Variants in PTPRD observed in about 807,000 individuals in gnomAD.
PTPRD encodes protein tyrosine phosphatase receptor type D, also known as receptor-type tyrosine-protein phosphatase delta.
A neutral mutation model predicts 214.5 loss-of-function variants in PTPRD; 34 were observed. That is an observed-to-expected ratio of 0.16 (90% CI 0.12 to 0.21). The LOEUF (loss-of-function observed/expected upper bound fraction) is 0.21. PTPRD is among the 10% of genes least tolerant of loss of function. The pLI is 1.00. For synonymous variants in PTPRD, 1,128 were observed against 845.7 expected (o/e 1.33, Z -5.79); for missense variants, 2,545 against 2,398.7 (o/e 1.06, Z -1.27).
intron 11 of PTPRD, among the ~76,000 whole-genome samples, chr9:8,770,138 A>G (rs1318523843): frequency 6.6e-6 from 1 of 152,048 alleles, no homozygotes; most frequent in African/African-American, 2.4e-5. Flanking sequence ...AAAATTAGCC[A>G]GGCTTGGTGG....
chr9:10,311,363 T>A (rs1404100492), intron 3 of PTPRD, among the ~76,000 whole-genome samples: 2 of 151,998 alleles, frequency 1.3e-5, no homozygotes, highest in African/African-American at 2.4e-5. Flanking sequence ...AATGTGAAAA[T>A]CTAAACAAAA....
At chr9:9,108,324 C>A (rs2099801483) in intron 10 of PTPRD, among the ~76,000 whole-genome samples, 1 of 152,066 alleles carries the variant, frequency 6.6e-6, no homozygotes, top group Admixed American at 6.6e-5. Context: ...CATTGTAGAA[C>A]CAACAGAAAC....
intron 21 of PTPRD, among the ~76,000 whole-genome samples, chr9:8,515,162 T>C (rs555497266): frequency 1.3e-5 from 2 of 152,356 alleles, no homozygotes; most frequent in Non-Finnish European, 2.9e-5. Context: ...TGGATTTAAA[T>C]TCTGCTTTTG....
At chr9:8,406,188 T>A (rs2092959142) in intron 35 of PTPRD, among the ~76,000 whole-genome samples, 1 of 152,154 alleles carries the variant, frequency 6.6e-6, no homozygotes, top group Non-Finnish European at 1.5e-5. Context: ...CAGGGAAATT[T>A]TTCATCTCCC....
intron 5 of PTPRD, among the ~76,000 whole-genome samples, chr9:9,772,210 T>G (rs756040802): frequency 4.6e-5 from 7 of 151,984 alleles, no homozygotes; most frequent in East Asian, 1.9e-4. Flanking sequence ...ACAGACCACA[T>G]GAAGACACAG....
chr9:9,654,722 G>T (rs1433898292), intron 7 of PTPRD, among the ~76,000 whole-genome samples: 2 of 152,136 alleles, frequency 1.3e-5, no homozygotes, highest in South Asian at 4.1e-4. Flanking sequence ...AGTGTCAAAA[G>T]CAAGACATTG....
intron 7 of PTPRD, among the ~76,000 whole-genome samples, chr9:9,731,133 C>G (rs2098183860): frequency 1.3e-5 from 2 of 152,062 alleles, no homozygotes; most frequent in Admixed American, 1.3e-4. Context: ...AGTGTCAGTT[C>G]TTTACTTTGA....
intron 12 of PTPRD, among the ~76,000 whole-genome samples, chr9:8,663,014 ACT>A (rs1336115481): frequency 2.0e-5 from 3 of 152,064 alleles, no homozygotes; most frequent in Non-Finnish European, 2.9e-5. Context: ...CACTTGGATA[ACT>A]CTAAACTTCT....
intron 5 of PTPRD, among the ~76,000 whole-genome samples, chr9:9,886,804 T>C (rs1266262145): frequency 6.6e-6 from 1 of 152,126 alleles, no homozygotes; most frequent in African/African-American, 2.4e-5. Context: ...TCAGTTGCCT[T>C]ACTGCTGCCA....
intron 11 of PTPRD, among the ~76,000 whole-genome samples, chr9:8,773,914 A>G (rs2154487510): frequency 6.6e-6 from 1 of 152,238 alleles, no homozygotes; most frequent in Non-Finnish European, 1.5e-5. Context: ...CACAAATGTA[A>G]TGTCTGTGAA....
chr9:10,164,037 G>A (rs1333782506), intron 3 of PTPRD, among the ~76,000 whole-genome samples: 1 of 151,412 alleles, frequency 6.6e-6, no homozygotes. Context: ...CACTTGGCCT[G>A]AAGCACAGGA....
chr9:9,420,808 T>C (rs576951214), intron 8 of PTPRD, among the ~76,000 whole-genome samples: 46 of 151,956 alleles, frequency 3.0e-4, no homozygotes, highest in Non-Finnish European at 6.0e-4. Flanking sequence ...GTATATCAAG[T>C]CACCAAATAG....
At chr9:10,050,009 A>G (rs2097498141) in intron 3 of PTPRD, among the ~76,000 whole-genome samples, 2 of 152,144 alleles carry the variant, frequency 1.3e-5, no homozygotes, top group Non-Finnish European at 2.9e-5. Context: ...TTTCATCAGG[A>G]AGAAGGTTCT....
At chr9:9,234,397 C>T (rs531084544) in intron 9 of PTPRD, among the ~76,000 whole-genome samples, 1 of 152,128 alleles carries the variant, frequency 6.6e-6, no homozygotes, top group African/African-American at 2.4e-5. Flanking sequence ...GCTTCCAGGT[C>T]TGTGGACAGG....
At chr9:10,104,120 G>C (rs2098599947) in intron 3 of PTPRD, among the ~76,000 whole-genome samples, 1 of 151,722 alleles carries the variant, frequency 6.6e-6, no homozygotes, top group Admixed American at 6.6e-5. Context: ...AGTAGTCAAA[G>C]TCATAGAGAC....
At chr9:9,673,468 G>T (rs1184478577) in intron 7 of PTPRD, among the ~76,000 whole-genome samples, 1 of 151,706 alleles carries the variant, frequency 6.6e-6, no homozygotes, top group Non-Finnish European at 1.5e-5. Context: ...TCAATGAATG[G>T]TTAGATTAAT....
chr9:9,430,471 T>A (rs888348526), intron 8 of PTPRD, among the ~76,000 whole-genome samples: 1 of 152,044 alleles, frequency 6.6e-6, no homozygotes, highest in African/African-American at 2.4e-5. Context: ...AAAATGGCCA[T>A]ACTGCCCAAA....
chr9:9,528,937 TC>T (rs562074582), intron 8 of PTPRD, among the ~76,000 whole-genome samples: 1 of 148,824 alleles, frequency 6.7e-6, no homozygotes, highest in African/African-American at 2.5e-5. Context: ...TTTGTTTGTT[TC>T]TTTTTTTTTT....
chr9:9,366,197 A>G (rs1427438366), intron 9 of PTPRD, among the ~76,000 whole-genome samples: 1 of 151,526 alleles, frequency 6.6e-6, no homozygotes, highest in African/African-American at 2.4e-5. Flanking sequence ...ACTAAAAAAG[A>G]ATTTAGATTT....
Sources: allele counts gnomAD v4.1 joint callset (sites outside exome capture counted in the v4.1 genomes callset), GRCh38; gene constraint gnomAD v4.1.1; transcripts MANE v1.5; gene names NCBI Gene and HGNC (gene_info 2026-07-23, HGNC 2026-07-21).